Variants in PDE10A observed in about 807,000 individuals in gnomAD.
PDE10A encodes phosphodiesterase 10A.
Under a neutral mutation model 97.7 loss-of-function variants are expected in PDE10A, and 39 were observed. The observed-to-expected ratio is 0.40, with a 90% CI of 0.31 to 0.52. The LOEUF (loss-of-function observed/expected upper bound fraction) is 0.52, where lower values mean the gene tolerates loss of function less well. Ranked by LOEUF, PDE10A falls within the 20% of genes least tolerant of loss-of-function variation. PDE10A has a pLI of 0.56. For missense variants in PDE10A, 731 were observed against 1,047.8 expected (o/e 0.70, Z 4.17); for synonymous variants, 371 against 376.8 (o/e 0.98, Z 0.18).
At chr6:165,828,481 C>T (rs911719979) in intron 1 of PDE10A, among the ~76,000 whole-genome samples, 4 of 152,188 alleles carry the variant, frequency 2.6e-5, no homozygotes, top group Admixed American at 2.6e-4. Context: ...TACAGGTGTA[C>T]ATACATACAC....
At chr6:165,715,799 C>G (rs1792012832) in intron 1 of PDE10A, among the ~76,000 whole-genome samples, 1 of 152,192 alleles carries the variant, frequency 6.6e-6, no homozygotes, top group Admixed American at 6.5e-5. Context: ...GCACCGTGGT[C>G]AGAAGGCAGG....
At chr6:165,586,070 A>T (rs1785895923) in intron 1 of PDE10A, among the ~76,000 whole-genome samples, 1 of 152,172 alleles carries the variant, frequency 6.6e-6, no homozygotes, top group Non-Finnish European at 1.5e-5. Flanking sequence ...TTGTCTAACC[A>T]ACGGGAATTC....
At chr6:165,454,355 C>T (rs566002786) in intron 3 of PDE10A, among the ~76,000 whole-genome samples, 96 of 152,250 alleles carry the variant, frequency 6.3e-4, no homozygotes, top group Middle Eastern at 3.4e-3. Context: ...GTTAAAAGGA[C>T]ATGAATTTTG....
At chr6:165,888,274 A>G (rs534176536) in intron 1 of PDE10A, among the ~76,000 whole-genome samples, 16 of 149,566 alleles carry the variant, frequency 1.1e-4, no homozygotes, top group African/African-American at 2.0e-4. Flanking sequence ...TGATTTACCT[A>G]TGCTTGCTTT....
intron 1 of PDE10A, among the ~76,000 whole-genome samples, chr6:165,931,179 A>G (rs905106890): frequency 4.6e-5 from 7 of 152,160 alleles, no homozygotes; most frequent in African/African-American, 1.7e-4. Context: ...CCACTTCAGG[A>G]GTCTTTCTTG....
chr6:165,868,063 A>G (rs1781107045), intron 1 of PDE10A, among the ~76,000 whole-genome samples: 1 of 152,104 alleles, frequency 6.6e-6, no homozygotes, highest in Non-Finnish European at 1.5e-5. Context: ...AAATGCTTAC[A>G]TGCAAGAAGC....
intron 13 of PDE10A, among the ~76,000 whole-genome samples, chr6:165,399,596 C>A (rs111403588): frequency 0.058 from 8,711 of 148,910 alleles, 349 homozygotes; most frequent in East Asian, 0.13. Context: ...CCACAACAGG[C>A]CCCAGTGTGT....
At chr6:165,777,555 G>T (rs1408485220) in intron 1 of PDE10A, among the ~76,000 whole-genome samples, 3 of 152,130 alleles carry the variant, frequency 2.0e-5, no homozygotes, top group African/African-American at 4.8e-5. Flanking sequence ...TAAGCAAGAT[G>T]GTCAAATGGT....
chr6:165,808,714 G>T (rs1332285172), intron 1 of PDE10A, among the ~76,000 whole-genome samples: 2 of 152,168 alleles, frequency 1.3e-5, no homozygotes, highest in Non-Finnish European at 2.9e-5. Flanking sequence ...ATGTTTACTT[G>T]TCAAAGGCAA....
Position 165,564,349 on chromosome 6 carries a change from T to C in PDE10A, c.866-20781A>G, listed in dbSNP as rs138804186. 2.8e-4 allele frequency among the ~76,000 whole-genome samples: 43 copies of C among 152,302 alleles called. 1 individual carries two copies. In the Middle Eastern group the frequency reaches 0.024, roughly 84 times the overall value. On this transcript the variant is annotated intron_variant, in intron 1 of 21. Coordinates refer to ENST00000539869, the MANE Select transcript of PDE10A (RefSeq NM_001385079.1). Reference sequence around the variant, plus strand: ...TAGTCCTGCTGCCCATCCTTAAGCCTACACAAATGCAAGAGGGAGAACAAG... The same window carrying C: ...TAGTCCTGCTGCCCATCCTTAAGCCCACACAAATGCAAGAGGGAGAACAAG...
Position 165,512,404 on chromosome 6 carries a change from A to G in PDE10A, c.995-30061T>C, listed in dbSNP as rs573341690. 2.0e-4 allele frequency among the ~76,000 whole-genome samples: 31 copies of G among 151,902 alleles called. No homozygotes were observed. The East Asian group carries it at 3.3e-3, about 16-fold the overall frequency. On this transcript the variant is annotated intron_variant, in intron 2 of 21. Coordinates refer to ENST00000539869, the MANE Select transcript of PDE10A (RefSeq NM_001385079.1). ...TTATAGTAATAAATTATTATTTATT[A>G]ATAGTAATAAAATACTAGTAGCCTA...
At chr6:165,919,265 T>C (rs1280209704) in intron 1 of PDE10A, among the ~76,000 whole-genome samples, 1 of 152,112 alleles carries the variant, frequency 6.6e-6, no homozygotes, top group African/African-American at 2.4e-5. Context: ...GTATGCACTG[T>C]CTCTTGGGGC....
intron 1 of PDE10A, among the ~76,000 whole-genome samples, chr6:165,967,542 C>T (rs906099673): frequency 4.2e-4 from 64 of 152,284 alleles, no homozygotes; most frequent in African/African-American, 1.4e-3. Flanking sequence ...GAACACCATT[C>T]GTATCTATGG....
chr6:165,433,641 A>G (rs1789761762), intron 6 of PDE10A, among the ~76,000 whole-genome samples: 1 of 152,226 alleles, frequency 6.6e-6, no homozygotes, highest in Admixed American at 6.5e-5. Context: ...TGAATCAACT[A>G]ATAATGATCA....
At chr6:165,966,139 G>A (rs1330243613) in intron 1 of PDE10A, among the ~76,000 whole-genome samples, 3 of 152,124 alleles carry the variant, frequency 2.0e-5, no homozygotes, top group Non-Finnish European at 4.4e-5. Flanking sequence ...ATGCCTCCTC[G>A]AAAACCAAGT....
intron 1 of PDE10A, among the ~76,000 whole-genome samples, chr6:165,971,669 G>C (rs1244047487): frequency 6.6e-6 from 1 of 152,144 alleles, no homozygotes; most frequent in African/African-American, 2.4e-5. Context: ...CAAAACAATA[G>C]TAATTTACTG....
intron 1 of PDE10A, among the ~76,000 whole-genome samples, chr6:165,704,590 C>G (rs1487625705): frequency 6.6e-6 from 1 of 152,104 alleles, no homozygotes; most frequent in Non-Finnish European, 1.5e-5. Flanking sequence ...TGCAAATACA[C>G]CAATGTGTTG....
At chr6:165,470,367 A>C (rs943782973) in intron 3 of PDE10A, among the ~76,000 whole-genome samples, 29 of 152,358 alleles carry the variant, frequency 1.9e-4, no homozygotes, top group African/African-American at 6.7e-4. Context: ...ACTGAACCAC[A>C]TTATAATATT....
In PDE10A at chr6:165,418,639, T is replaced by C; in HGVS notation, c.1792A>G (p.Ile598Val). ...GKPVFKKTKE[I>V]RFSIEKGIAG... ...ACATTCTACTTCTAGCTGTACCTTA[T>C]CTCTTTGGTCTTCTTGAAGACAGGT... is the stretch of plus-strand genomic sequence containing the variant. The change falls in exon 11 of 22, where the codon ATA becomes GTA. Residue 598 changes from isoleucine (I) to valine (V), a missense_variant. Ile to Val is a conservative substitution (Grantham distance 29). Around this residue, in one of 8 missense-constraint regions of PDE10A, gnomAD observed 108 missense variants for 199.8 expected, o/e 0.54. Coordinates refer to ENST00000539869, the MANE Select transcript of PDE10A (RefSeq NM_001385079.1). The surrounding 1 kb of genome is among the most constrained non-coding windows in gnomAD (Gnocchi z 4.8). The C allele has an allele frequency of 6.2e-7, 1 of 1,612,482 alleles. No homozygotes were observed. Among genetic ancestry groups the C allele is most frequent in the Non-Finnish European group, 8.5e-7 (1 of 1,179,756 alleles).
Sources: gnomAD v4.1 joint callset for allele counts (sites outside exome capture counted in the v4.1 genomes callset) on GRCh38, gnomAD v4.1.1 for gene constraint, gnomAD v4.1.1 regional missense constraint, Gnocchi (gnomAD v3.1) non-coding constraint, MANE v1.5 for transcripts, NCBI Gene and HGNC (gene_info 2026-07-23, HGNC 2026-07-21) for gene names.